CCDC15: variants seen among roughly 807,000 people sequenced by gnomAD.
The protein encoded by CCDC15 is coiled-coil domain-containing protein 15.
In CCDC15, 105 loss-of-function variants were observed where a neutral mutation model predicts 114.5. The ratio of observed to expected loss-of-function variants is 0.92; its 90% CI spans 0.78 to 1.08. CCDC15 has a LOEUF of 1.08. Among genes scored for constraint, CCDC15 ranks in the 50% least tolerant of loss-of-function variants. The probability of loss-of-function intolerance (pLI) is 0.00; values close to 1 mark genes in which losing one functional copy is unlikely to be tolerated. For missense variants in CCDC15, 1,105 were observed against 1,093.6 expected (o/e 1.01, Z -0.15); for synonymous variants, 334 against 377.8 (o/e 0.88, Z 1.34).
In CCDC15 at chr11:125,041,331, C is replaced by T. The variant is rs1336956011; in HGVS notation, c.*620C>T. The T allele has an allele frequency of 1.3e-5, 2 of 151,928 alleles. No homozygotes were observed. Among genetic ancestry groups the T allele is most frequent in the African/African-American group, 4.8e-5 (2 of 41,352 alleles). 9.4% of individuals were successfully genotyped at this position (151,928 alleles called of 1,614,324 possible). A position where few individuals can be genotyped will look rare whatever the true frequency, so the allele number is the denominator to read the frequency against. ...CAAAAAGGGTAAATAAATCCTTTGT[C>T]TTTTGAATATCTTCTATGTGAAATA... On this transcript the variant is annotated 3_prime_UTR_variant, in exon 16 of 16. Coordinates refer to ENST00000344762, the MANE Select transcript of CCDC15 (RefSeq NM_025004.3).
intron 13 of CCDC15, 38 bp downstream of exon 13, chr11:125,005,250 C>A: frequency 2.2e-6 from 2 of 914,802 alleles, no homozygotes; most frequent in South Asian, 3.3e-5. Context: ...CTTAAATTGC[C>A]AATTAAGATG....
rs1947626021 is a variant in CCDC15, at chr11:124,959,821, A to G, written c.334A>G (p.Lys112Glu). 6.3e-6 allele frequency: 10 copies of G among 1,594,274 alleles called. No homozygotes were observed. The highest frequency in any genetic ancestry group is 7.7e-6 in the Non-Finnish European group (9 of 1,170,070). The change falls in exon 4 of 16, where the codon AAA (lysine) becomes GAA (glutamate). Residue 112 changes from lysine (K) to glutamate (E), a missense_variant. Coordinates refer to ENST00000344762, the MANE Select transcript of CCDC15 (RefSeq NM_025004.3). The stretch of plus-strand genomic sequence containing the variant: ...CCTTTCTTCTTTCGTGTAGGCACAA[A>G]AAGAAGGCTCCATAGCCATGCAGTC... ...QLQKSYERAQ[K>E]EGSIAMQSSA...
At chr11:125,010,254 C>T (rs1429443908) in intron 13 of CCDC15, among the ~76,000 whole-genome samples, 1 of 152,060 alleles carries the variant, frequency 6.6e-6, no homozygotes, top group Admixed American at 6.5e-5. Context: ...ATTTGCATTT[C>T]TCTGATGATT....
chr11:125,007,486 C>CA (rs1948561024), intron 13 of CCDC15, among the ~76,000 whole-genome samples: 1 of 152,188 alleles, frequency 6.6e-6, no homozygotes, highest in African/African-American at 2.4e-5. Flanking sequence ...CTGTTGAAGA[C>CA]ACTTAGGTTG....
At chr11:124,961,170 C>T (rs1430670748) in intron 4 of CCDC15, among the ~76,000 whole-genome samples, 1 of 152,206 alleles carries the variant, frequency 6.6e-6, no homozygotes, top group African/African-American at 2.4e-5. Flanking sequence ...AGACACAGTC[C>T]TTGCTTTCGT....
At chr11:125,007,660 C>T (rs773387340) in intron 13 of CCDC15, among the ~76,000 whole-genome samples, 6 of 152,142 alleles carry the variant, frequency 3.9e-5, no homozygotes, top group South Asian at 2.1e-4. Context: ...ATCTCCATAC[C>T]GTTTTCCATA....
intron 4 of CCDC15, among the ~76,000 whole-genome samples, chr11:124,970,342 C>T (rs1947858561): frequency 6.6e-6 from 1 of 152,142 alleles, no homozygotes; most frequent in Non-Finnish European, 1.5e-5. Context: ...AGATTGATAG[C>T]AATTGTGACA....
chr11:124,993,914 A>G (rs1447251560), intron 11 of CCDC15, among the ~76,000 whole-genome samples: 2 of 152,258 alleles, frequency 1.3e-5, no homozygotes, highest in Non-Finnish European at 1.5e-5. Context: ...CATAATAACC[A>G]TAGAAGATAG....
intron 13 of CCDC15, among the ~76,000 whole-genome samples, chr11:125,030,628 G>A (rs116996389): frequency 6.6e-6 from 1 of 152,298 alleles, no homozygotes; most frequent in East Asian, 1.9e-4. Flanking sequence ...TAGATAGCTG[G>A]CTGATCACCC....
chr11:124,965,779 G>A (rs1031881415), intron 4 of CCDC15, among the ~76,000 whole-genome samples: 3 of 152,158 alleles, frequency 2.0e-5, no homozygotes, highest in African/African-American at 7.2e-5. Context: ...TGGGCATTTA[G>A]TGCTATAAAT....
intron 11 of CCDC15, among the ~76,000 whole-genome samples, chr11:124,995,147 T>C (rs1948343649): frequency 5.3e-5 from 8 of 152,186 alleles, no homozygotes; most frequent in Admixed American, 5.2e-4. Context: ...CTCAGGTCTT[T>C]TGCATATGTT....
At chr11:124,995,368 G>A (rs569255999) in intron 11 of CCDC15, among the ~76,000 whole-genome samples, 88 of 151,758 alleles carry the variant, frequency 5.8e-4, no homozygotes, top group African/African-American at 2.0e-3. Context: ...TTATTAATTT[G>A]CTTGTTTTCT....
At chr11:125,036,307 T>G (rs149930958) in intron 13 of CCDC15, among the ~76,000 whole-genome samples, 9,416 of 78,014 alleles carry the variant, frequency 0.12, 967 homozygotes, top group African/African-American at 0.25. Context: ...TGTCACTCTT[T>G]CCTGGCCTGC....
At chr11:124,974,283 C>T (rs1212129325) in intron 4 of CCDC15, among the ~76,000 whole-genome samples, 1 of 152,140 alleles carries the variant, frequency 6.6e-6, no homozygotes, top group African/African-American at 2.4e-5. Flanking sequence ...GGCTGGCCTA[C>T]AGTGCTTATC....
intron 4 of CCDC15, among the ~76,000 whole-genome samples, chr11:124,968,454 T>G (rs1170981085): frequency 6.6e-6 from 1 of 152,198 alleles, no homozygotes; most frequent in African/African-American, 2.4e-5. Flanking sequence ...GTGTGGGACC[T>G]GCCAAGCCAG....
chr11:124,987,862 G>A lies in CCDC15; in HGVS notation c.1636G>A (p.Val546Ile), dbSNP rs1032982544. ...DQDFLSRDQH[V>I]LPKDWNILPK... ...GGACTTTTTATCTAGAGACCAGCATGTTCTCCCCAAAGACTGGAATATTCT... is the reference window on the plus strand; with the variant it reads ...GGACTTTTTATCTAGAGACCAGCATATTCTCCCCAAAGACTGGAATATTCT... Residue 546 changes from valine to isoleucine, a missense_variant, in exon 8 of 16, where the codon GTT becomes ATT. By Grantham distance (29) the Val-to-Ile change is conservative. Transcript: ENST00000344762. The A allele has an allele frequency of 1.2e-6, 2 of 1,613,790 alleles. No individual in the cohort carries two copies. Among genetic ancestry groups the A allele is most frequent in the African/African-American group, 2.7e-5 (2 of 74,904 alleles).
rs1591602622 is a variant in CCDC15, at chr11:125,001,596, A to G, written c.2215-2271A>G. Among the ~76,000 whole-genome samples, 4 of 152,128 alleles carry G rather than the reference A, an allele frequency of 2.6e-5. No individual in the cohort carries two copies. The East Asian group carries it at 7.7e-4, about 29-fold the overall frequency. On this transcript the variant is annotated intron_variant, in intron 11 of 15. Transcript: ENST00000344762. ...TCCAGTCCTATGCAACCACTAAGCT[A>G]TTTTCTGTCTTTACAGATTTGCCTA...
chr11:125,000,036 T>A (rs1353377163), intron 11 of CCDC15, among the ~76,000 whole-genome samples: 1 of 151,654 alleles, frequency 6.6e-6, no homozygotes, highest in Non-Finnish European at 1.5e-5. Context: ...TAATTTTTTT[T>A]ATTTTTAGTG....
chr11:124,988,203 A>G (rs111722175), intron 8 of CCDC15, 69 bp downstream of exon 8: 20 of 1,453,682 alleles, frequency 1.4e-5, no homozygotes, highest in African/African-American at 1.3e-4. Flanking sequence ...AGGGATTTGT[A>G]AGGACTGCAA....
Sources: allele counts gnomAD v4.1 joint callset (sites outside exome capture counted in the v4.1 genomes callset), GRCh38; gene constraint gnomAD v4.1.1; transcripts MANE v1.5; gene names NCBI Gene and HGNC (gene_info 2026-07-23, HGNC 2026-07-21).